Variants in AMMECR1 observed in about 807,000 individuals in gnomAD.
AMMECR1 encodes nuclear protein AMMECR1.
In AMMECR1, 3 loss-of-function variants were observed where a neutral mutation model predicts 22.5. That is an observed-to-expected ratio of 0.13 (90% CI 0.06 to 0.35). The LOEUF is 0.35. Ranked by LOEUF, AMMECR1 falls within the 10% of genes least tolerant of loss-of-function variation. AMMECR1 has a pLI of 1.00. For synonymous variants in AMMECR1, 130 were observed against 116.7 expected (o/e 1.11, Z -0.74); for missense variants, 235 against 278.7 (o/e 0.84, Z 1.12).
At chrX:110,336,330 C>G (rs2148236470) in intron 2 of AMMECR1, among the ~76,000 whole-genome samples, 1 of 111,045 alleles carries the variant, frequency 9.0e-6, no homozygotes, top group African/African-American at 3.3e-5. Flanking sequence ...CCTGGTGGTA[C>G]ATGAGATGAT....
At position 110,271,962 on chromosome X, in the gene AMMECR1, C is replaced by T. The variant is rs1310998860; in HGVS notation, c.474-7363G>A. ...ATTTTAGGCTGGGCGCAGTGGCTCA[C>T]GCTTGTACTTTGGGAGGCCAAAGCG... On this transcript the variant is annotated intron_variant, in intron 1 of 5. Coordinates refer to ENST00000262844, the MANE Select transcript of AMMECR1 (RefSeq NM_015365.3). Among the ~76,000 whole-genome samples, 135 of 111,325 alleles carry T rather than the reference C, an allele frequency of 1.2e-3. 11 individuals carry two copies. Among genetic ancestry groups the T allele is most frequent in the Non-Finnish European group, 1.9e-5 (1 of 53,098 alleles).
In AMMECR1 at chrX:110,363,470, G is replaced by A. The variant is rs749620618; in HGVS notation, c.-147-45621C>T. On this transcript the variant is annotated intron_variant, in intron 2 of 7. Transcript: ENST00000372057. ...AGGGACCTCCCTATGTGTCATTAAG[G>A]AGTAATGCTCTAAAATGTAATCAGT... Among the ~76,000 whole-genome samples, 11 of 111,977 alleles carry A rather than the reference G, an allele frequency of 9.8e-5. 1 individual carries two copies. The South Asian group carries it at 4.1e-3, about 42-fold the overall frequency.
At chrX:110,313,304 C>T (rs2068032713) in intron 1 of AMMECR1, among the ~76,000 whole-genome samples, 1 of 112,202 alleles carries the variant, frequency 8.9e-6, no homozygotes, top group Admixed American at 9.4e-5. Context: ...TACTGATGTA[C>T]TTTAATAATA....
intron 2 of AMMECR1, among the ~76,000 whole-genome samples, chrX:110,263,640 T>C (rs1024635089): frequency 1.4e-4 from 16 of 111,899 alleles, no homozygotes; most frequent in Non-Finnish European, 2.8e-4. Flanking sequence ...ATTTTACCTA[T>C]GGAGGTTGAG....
chrX:110,364,952 G>C (rs1396801765), intron 2 of AMMECR1, among the ~76,000 whole-genome samples: 1 of 112,088 alleles, frequency 8.9e-6, no homozygotes, highest in Non-Finnish European at 1.9e-5. Context: ...GTCTCTAGGA[G>C]TTCATTATCA....
At chrX:110,431,135 G>T (rs1031465538) in intron 1 of AMMECR1, among the ~76,000 whole-genome samples, 1 of 112,092 alleles carries the variant, frequency 8.9e-6, no homozygotes, top group African/African-American at 3.3e-5. Context: ...TCTTTGCCAA[G>T]ATCAGGAAAT....
In AMMECR1 at chrX:110,411,176, G is replaced by A. The variant is rs1451571550; in HGVS notation, c.-148+15482C>T. On this transcript the variant is annotated intron_variant, in intron 2 of 7. Transcript: ENST00000372057. ...GTGGCCTCCGACAGTGAACCTTGGCGTGGGTCAGGGAAGACTGTTCAAGTG... is the reference window on the plus strand; with the variant it reads ...GTGGCCTCCGACAGTGAACCTTGGCATGGGTCAGGGAAGACTGTTCAAGTG... Among the ~76,000 whole-genome samples, 7 of 112,107 alleles carry A rather than the reference G, an allele frequency of 6.2e-5. 1 individual carries two copies. The highest frequency in any genetic ancestry group is 5.6e-5 in the Non-Finnish European group (3 of 53,215).
At chrX:110,392,693 T>C (rs895326649) in intron 2 of AMMECR1, among the ~76,000 whole-genome samples, 9 of 111,979 alleles carry the variant, frequency 8.0e-5, no homozygotes, top group African/African-American at 2.9e-4. Context: ...ATTCAGATCA[T>C]TGTGCCTAGA....
intron 2 of AMMECR1, among the ~76,000 whole-genome samples, chrX:110,222,236 C>A: frequency 1.2e-5 from 1 of 83,949 alleles, no homozygotes; most frequent in African/African-American, 4.4e-5. Flanking sequence ...GAAAATGTGG[C>A]ACATATACAC....
In AMMECR1 at chrX:110,287,575, C is replaced by T. The variant is rs149044515; in HGVS notation, c.474-22976G>A. On this transcript the variant is annotated intron_variant, in intron 1 of 5. Transcript: ENST00000262844. ...AGTGTGTATACTGATGCTCAGAATA[C>T]CCGACCTCAACAATTTCTTATACCT... Among the ~76,000 whole-genome samples, 216 of 111,622 alleles carry T rather than the reference C, an allele frequency of 1.9e-3. 5 individuals are homozygous for T. The East Asian group carries it at 0.047, about 24-fold the overall frequency.
intron 2 of AMMECR1, among the ~76,000 whole-genome samples, chrX:110,377,343 T>C (rs985747645): frequency 8.9e-6 from 1 of 111,753 alleles, no homozygotes; most frequent in Non-Finnish European, 1.9e-5. Context: ...TTCCGTGAAA[T>C]GGCCAGAATA....
intron 1 of AMMECR1, among the ~76,000 whole-genome samples, chrX:110,288,762 T>G (rs1236995818): frequency 2.7e-5 from 3 of 112,197 alleles, no homozygotes; most frequent in Non-Finnish European, 3.8e-5. Context: ...CAGCTAATTC[T>G]TATGTAGACT....
chrX:110,387,857 CTTTTTTTTTTTT>C (rs57937918), intron 2 of AMMECR1, among the ~76,000 whole-genome samples: 2 of 82,808 alleles, frequency 2.4e-5, no homozygotes, highest in Non-Finnish European at 4.5e-5. Context: ...CTCCCTCTCT[CTTTTTTTTTTTT>C]TTTTTTTTTT....
At chrX:110,432,712 A>G (rs985608045) in intron 1 of AMMECR1, among the ~76,000 whole-genome samples, 3 of 112,126 alleles carry the variant, frequency 2.7e-5, no homozygotes, top group African/African-American at 9.7e-5. Context: ...GCAGGAGGAC[A>G]ACAAATATAG....
chrX:110,341,246 G>A (rs185934324), intron 2 of AMMECR1, among the ~76,000 whole-genome samples: 89 of 112,130 alleles, frequency 7.9e-4, no homozygotes, highest in Middle Eastern at 4.6e-3. Context: ...ACAGAAATAG[G>A]AGAAGTGAAC....
chrX:110,360,027 A>C (rs1425392979), intron 2 of AMMECR1, among the ~76,000 whole-genome samples: 1 of 112,183 alleles, frequency 8.9e-6, no homozygotes, highest in Non-Finnish European at 1.9e-5. Flanking sequence ...TTTGTAAAGC[A>C]CACTAGGCTG....
At position 110,197,169 on chromosome X, in the gene AMMECR1, A is replaced by G. The variant is rs747529700; in HGVS notation, c.*1351T>C. ...CTTGCAGATGAGCTGGGCTCTAACT[A>G]TAGCATATCTGAATGCCAACTCCAT... On this transcript the variant is annotated 3_prime_UTR_variant, in exon 6 of 6. Transcript: ENST00000262844. 219 of 112,150 alleles carry G rather than the reference A, an allele frequency of 2.0e-3. 2 individuals carry two copies. Among genetic ancestry groups the G allele is most frequent in the African/African-American group, 7.0e-3 (215 of 30,932 alleles). 9.2% of individuals were successfully genotyped at this position (112,150 alleles called of 1,213,427 possible). A position where few individuals can be genotyped will look rare whatever the true frequency, so the allele number is the denominator to read the frequency against.
chrX:110,344,227 A>C (rs1345264308), intron 2 of AMMECR1, among the ~76,000 whole-genome samples: 2 of 112,282 alleles, frequency 1.8e-5, no homozygotes, highest in Non-Finnish European at 3.8e-5. Context: ...AAACCTGACA[A>C]AAACAAGAAA....
At chrX:110,414,884 C>T (rs182364339) in intron 2 of AMMECR1, among the ~76,000 whole-genome samples, 1 of 112,299 alleles carries the variant, frequency 8.9e-6, no homozygotes, top group East Asian at 2.8e-4. Flanking sequence ...CATCCACTAC[C>T]ACTTGCCCAT....
Sources: gnomAD v4.1 joint callset for allele counts (sites outside exome capture counted in the v4.1 genomes callset) on GRCh38, gnomAD v4.1.1 for gene constraint, MANE v1.5 for transcripts, NCBI Gene and HGNC (gene_info 2026-07-23, HGNC 2026-07-21) for gene names.